Variants in NFIB observed in about 807,000 individuals in gnomAD.
NFIB encodes the protein nuclear factor 1 B-type.
Under a neutral mutation model 61.5 loss-of-function variants are expected in NFIB, and 11 were observed. The observed-to-expected ratio is 0.18, with a 90% CI of 0.11 to 0.30. NFIB has a LOEUF of 0.30. Ranked by LOEUF, NFIB falls within the 10% of genes least tolerant of loss-of-function variation. NFIB has a pLI of 1.00. For missense variants in NFIB, 471 were observed against 608.9 expected (o/e 0.77, Z 2.38); for synonymous variants, 260 against 216.5 (o/e 1.20, Z -1.76).
intron 6 of NFIB, among the ~76,000 whole-genome samples, chr9:14,131,048 G>A (rs1193840130): frequency 6.6e-6 from 1 of 152,128 alleles, no homozygotes; most frequent in African/African-American, 2.4e-5. Flanking sequence ...TTAAATAGTT[G>A]CAATCATAAT....
chr9:14,449,545 A>C, the NFIB span, among the ~76,000 whole-genome samples: 3 of 152,246 alleles, frequency 2.0e-5, no homozygotes, highest in Admixed American at 6.5e-5. Flanking sequence ...AAGTGTGATC[A>C]TAAAGGAAGT....
chr9:14,384,712 C>T (rs1442256813), intron 1 of NFIB, among the ~76,000 whole-genome samples: 2 of 152,124 alleles, frequency 1.3e-5, no homozygotes, highest in East Asian at 1.9e-4. Context: ...ATGGTAATCC[C>T]ATACCATCAT....
the NFIB span, among the ~76,000 whole-genome samples, chr9:14,455,920 T>G: frequency 6.6e-6 from 1 of 152,132 alleles, no homozygotes; most frequent in Non-Finnish European, 1.5e-5. Context: ...TGGGAGAGTT[T>G]TGAAAATAAA....
the NFIB span, among the ~76,000 whole-genome samples, chr9:14,507,437 T>C: frequency 6.6e-6 from 1 of 152,232 alleles, no homozygotes; most frequent in East Asian, 1.9e-4. Context: ...TTTTGTAAAG[T>C]TAAGCTTTCA....
chr9:14,253,866 C>T (rs2055923026), intron 2 of NFIB, among the ~76,000 whole-genome samples: 1 of 152,134 alleles, frequency 6.6e-6, no homozygotes, highest in African/African-American at 2.4e-5. Flanking sequence ...TGGCCTCCAG[C>T]ACATCATGGG....
intron 2 of NFIB, among the ~76,000 whole-genome samples, chr9:14,274,514 G>A (rs2057863221): frequency 6.6e-6 from 1 of 152,084 alleles, no homozygotes; most frequent in African/African-American, 2.4e-5. Context: ...TCTAATAGCT[G>A]CTGCTCTGGC....
the NFIB span, among the ~76,000 whole-genome samples, chr9:14,500,044 G>A: frequency 6.6e-6 from 1 of 152,136 alleles, no homozygotes; most frequent in South Asian, 2.1e-4. Context: ...TAAATTCAGG[G>A]TCTGCAACCT....
At chr9:14,319,758 T>A (rs1197181706) in intron 1 of NFIB, among the ~76,000 whole-genome samples, 2 of 152,244 alleles carry the variant, frequency 1.3e-5, no homozygotes, top group Non-Finnish European at 2.9e-5. Context: ...AACTCAAACT[T>A]TCTGCACCCC....
In NFIB at chr9:14,125,746, T is replaced by C; in HGVS notation, c.946A>G (p.Met316Val). The C allele has an allele frequency of 3.7e-6, 6 of 1,614,106 alleles. No individual in the cohort carries two copies. Among genetic ancestry groups the C allele is most frequent in the Non-Finnish European group, 5.1e-6 (6 of 1,179,976 alleles). The change falls in exon 7 of 11, where the codon ATG becomes GTG. Residue 316 changes from methionine to valine, a missense_variant. Around this residue, in one of 2 missense-constraint regions of NFIB, gnomAD observed 372 missense variants for 395.6 expected, o/e 0.94. Transcript: ENST00000380953. Reference protein sequence around the residue: ...RDQDMSSPTTMKKPEKPLFSS... With the variant: ...RDQDMSSPTTVKKPEKPLFSS... ...AACAATGGCTTTTCAGGCTTCTTCA[T>C]AGTAGTCGGAGAAGACATATCTGCG...
chr9:14,438,011 A>AGTGTGT, the NFIB span, among the ~76,000 whole-genome samples: 99 of 150,226 alleles, frequency 6.6e-4, no homozygotes, highest in Middle Eastern at 3.4e-3. Flanking sequence ...CCCCCATCCT[A>AGTGTGT]GTGTGTGTGT....
chr9:14,428,982 G>A, the NFIB span, among the ~76,000 whole-genome samples: 1 of 152,214 alleles, frequency 6.6e-6, no homozygotes, highest in East Asian at 1.9e-4. Context: ...CGCTTATCCC[G>A]GCGCGTCTTG....
chr9:14,092,789 C>G (rs1246312976), intron 10 of NFIB, among the ~76,000 whole-genome samples: 1 of 151,920 alleles, frequency 6.6e-6, no homozygotes, highest in Admixed American at 6.6e-5. Context: ...AGTTCTACAG[C>G]GTGAGGATTA....
the NFIB span, among the ~76,000 whole-genome samples, chr9:14,508,722 T>A: frequency 6.6e-6 from 1 of 152,174 alleles, no homozygotes; most frequent in Non-Finnish European, 1.5e-5. Context: ...CTCCTACACG[T>A]TGGTTTTACA....
intron 6 of NFIB, among the ~76,000 whole-genome samples, chr9:14,140,481 C>G (rs1366750182): frequency 2.0e-5 from 3 of 152,174 alleles, no homozygotes; most frequent in Non-Finnish European, 2.9e-5. Flanking sequence ...TCAAGAGCCA[C>G]TCCTGGATAT....
At chr9:14,418,184 C>G in the NFIB span, among the ~76,000 whole-genome samples, 1 of 152,292 alleles carries the variant, frequency 6.6e-6, no homozygotes, top group South Asian at 2.1e-4. Flanking sequence ...ACTTCAATTT[C>G]TTTATTCACA....
At chr9:14,399,925 T>A (rs1290740736), upstream of NFIB, among the ~76,000 whole-genome samples, 1 of 152,136 alleles carries the variant, frequency 6.6e-6, no homozygotes, top group East Asian at 1.9e-4. Context: ...CATCTCTCAA[T>A]GTTCAGATTC....
chr9:14,157,858 C>A (rs535243923), intron 3 of NFIB, among the ~76,000 whole-genome samples: 45 of 152,060 alleles, frequency 3.0e-4, no homozygotes, highest in African/African-American at 9.9e-4. Flanking sequence ...AAGTACAAAA[C>A]CTTCTTTATC....
chr9:14,510,631 A>C, the NFIB span, among the ~76,000 whole-genome samples: 2 of 151,488 alleles, frequency 1.3e-5, no homozygotes, highest in South Asian at 4.2e-4. Flanking sequence ...TACTCATTTA[A>C]AAGTATTTTT....
intron 6 of NFIB, among the ~76,000 whole-genome samples, chr9:14,131,752 G>A (rs1481035621): frequency 2.6e-5 from 4 of 152,130 alleles, no homozygotes; most frequent in Non-Finnish European, 5.9e-5. Flanking sequence ...CTTCATCAAA[G>A]CAAAGACCCC....
Sources: allele counts gnomAD v4.1 joint callset (sites outside exome capture counted in the v4.1 genomes callset), GRCh38; gene constraint gnomAD v4.1.1; regional missense constraint gnomAD v4.1.1; transcripts MANE v1.5; gene names NCBI Gene and HGNC (gene_info 2026-07-23, HGNC 2026-07-21).